Variants in TECRL observed in about 807,000 individuals in gnomAD.
The protein encoded by TECRL is trans-2,3-enoyl-CoA reductase like, also known as trans-2,3-enoyl-CoA reductase-like.
A neutral mutation model predicts 52.8 loss-of-function variants in TECRL; 63 were observed. The ratio of observed to expected loss-of-function variants is 1.19; its 90% CI spans 0.97 to 1.47. The LOEUF is 1.47. TECRL is among the 40% of genes most tolerant of loss of function. TECRL has a pLI of 0.00. For missense variants in TECRL, 482 were observed against 429.6 expected (o/e 1.12, Z -1.08); for synonymous variants, 164 against 141.9 (o/e 1.16, Z -1.10).
chr4:64,364,391 G>A (rs1262880505), intron 2 of TECRL, among the ~76,000 whole-genome samples: 1 of 151,908 alleles, frequency 6.6e-6, no homozygotes, highest in Non-Finnish European at 1.5e-5. Context: ...CTAGTAGGCA[G>A]AAAGAAATAT....
At chr4:64,373,299 A>G (rs1378232422) in intron 2 of TECRL, among the ~76,000 whole-genome samples, 1 of 151,808 alleles carries the variant, frequency 6.6e-6, no homozygotes, top group East Asian at 1.9e-4. Context: ...AAAGATTAGT[A>G]CTTACAAAGG....
At position 64,344,048 on chromosome 4, in the gene TECRL, A is replaced by G. The variant is rs956149042; in HGVS notation, c.287-15492T>C. ...CTGTGTATAAATATCTGTGAAATGTATAAGTGAATCCAATGCAAACCAGCT... is the reference window on the plus strand; with the variant it reads ...CTGTGTATAAATATCTGTGAAATGTGTAAGTGAATCCAATGCAAACCAGCT... On this transcript the variant is annotated intron_variant, in intron 2 of 11. Transcript: ENST00000381210. 2.6e-5 allele frequency among the ~76,000 whole-genome samples: 4 copies of G among 152,044 alleles called. No individual in the cohort carries two copies. The South Asian group carries it at 6.2e-4, about 24-fold the overall frequency.
At chr4:64,298,694 A>C (rs1156294119) in intron 8 of TECRL, among the ~76,000 whole-genome samples, 1 of 151,258 alleles carries the variant, frequency 6.6e-6, no homozygotes, top group Non-Finnish European at 1.5e-5. Context: ...AAAAAATTAT[A>C]ACCCACAATT....
chr4:64,333,184 A>G (rs1020947375), intron 2 of TECRL, among the ~76,000 whole-genome samples: 2 of 152,074 alleles, frequency 1.3e-5, no homozygotes, highest in Non-Finnish European at 2.9e-5. Flanking sequence ...AAAACAGATT[A>G]AAAAACAAAA....
chr4:64,317,378 GTGCT>G (rs1717578167), intron 4 of TECRL, among the ~76,000 whole-genome samples: 1 of 151,654 alleles, frequency 6.6e-6, no homozygotes, highest in Non-Finnish European at 1.5e-5. Flanking sequence ...TGCTTAAACT[GTGCT>G]TAATGCATTT....
intron 1 of TECRL, among the ~76,000 whole-genome samples, chr4:64,385,713 G>A (rs1723132401): frequency 6.6e-6 from 1 of 152,124 alleles, no homozygotes; most frequent in South Asian, 2.1e-4. Context: ...GCTAATTTGA[G>A]TCTTAAGAGA....
At chr4:64,363,501 G>A (rs1009094188) in intron 2 of TECRL, among the ~76,000 whole-genome samples, 1 of 152,212 alleles carries the variant, frequency 6.6e-6, no homozygotes, top group Non-Finnish European at 1.5e-5. Context: ...ATAACCTGAC[G>A]TGTCCACCCT....
intron 2 of TECRL, among the ~76,000 whole-genome samples, chr4:64,358,115 A>G (rs948622925): frequency 1.3e-5 from 2 of 151,136 alleles, no homozygotes; most frequent in Non-Finnish European, 3.0e-5. Flanking sequence ...AAAAAAAAAG[A>G]CATTCTGAAT....
At chr4:64,336,617 A>T (rs1045450606) in intron 2 of TECRL, among the ~76,000 whole-genome samples, 1 of 152,048 alleles carries the variant, frequency 6.6e-6, no homozygotes, top group African/African-American at 2.4e-5. Context: ...CAATTTTAGA[A>T]CTTTCCCGCT....
At chr4:64,385,492 G>A (rs760033556) in intron 1 of TECRL, among the ~76,000 whole-genome samples, 13 of 152,072 alleles carry the variant, frequency 8.5e-5, no homozygotes. Flanking sequence ...CCACCCTCCT[G>A]TTTCCTGGGA....
intron 8 of TECRL, among the ~76,000 whole-genome samples, chr4:64,297,108 T>C (rs891363242): frequency 6.6e-6 from 1 of 151,564 alleles, no homozygotes; most frequent in Non-Finnish European, 1.5e-5. Flanking sequence ...ATATTATGTA[T>C]ACATTGTAAA....
intron 1 of TECRL, among the ~76,000 whole-genome samples, chr4:64,382,207 ATATATATATATATATATATATATATATAG>A (rs1722846019): frequency 3.4e-3 from 9 of 2,632 alleles, no homozygotes; most frequent in Non-Finnish European, 0.022. Context: ...ATATATATAT[ATATATATATATATATATATATATATATAG>A]TATTATGTAT....
At chr4:64,369,204 T>C (rs1721821237) in intron 2 of TECRL, among the ~76,000 whole-genome samples, 1 of 152,316 alleles carries the variant, frequency 6.6e-6, no homozygotes, top group African/African-American at 2.4e-5. Context: ...CTTCAGCTGT[T>C]AATCATTCAT....
intron 2 of TECRL, among the ~76,000 whole-genome samples, chr4:64,371,195 A>G (rs1721949887): frequency 6.6e-6 from 1 of 151,438 alleles, no homozygotes; most frequent in South Asian, 2.1e-4. Flanking sequence ...CAAACCCAGT[A>G]ATAATAATAC....
intron 3 of TECRL, among the ~76,000 whole-genome samples, chr4:64,323,009 C>A (rs73228583): frequency 2.0e-5 from 3 of 152,090 alleles, no homozygotes; most frequent in Non-Finnish European, 4.4e-5. Flanking sequence ...CCAATACCAT[C>A]TACCCAAAAT....
chr4:64,307,399 T>G (rs1277926688), intron 6 of TECRL, among the ~76,000 whole-genome samples: 2 of 152,132 alleles, frequency 1.3e-5, no homozygotes, highest in African/African-American at 4.8e-5. Context: ...CCAGCCCTCC[T>G]GGTCTGTTGT....
intron 2 of TECRL, among the ~76,000 whole-genome samples, chr4:64,368,515 C>G (rs975426491): frequency 6.6e-6 from 1 of 152,064 alleles, no homozygotes; most frequent in African/African-American, 2.4e-5. Flanking sequence ...AGGCTGGTCT[C>G]AAACTCCTGA....
intron 3 of TECRL, 136 bp from the exon 4 acceptor site, chr4:64,322,928 A>C (rs1718007635): frequency 1.5e-6 from 1 of 665,696 alleles, no homozygotes; most frequent in South Asian, 2.5e-5. Flanking sequence ...AAATCTTCAA[A>C]GTAAAACAAA....
At position 64,290,843 on chromosome 4, in the gene TECRL, G is replaced by A. The variant is rs77452912; in HGVS notation, c.775-1076C>T. On this transcript the variant is annotated intron_variant, in intron 8 of 11. Transcript: ENST00000381210. The stretch of plus-strand genomic sequence containing the variant: ...TAAATTAATTCACCCAGGACATAAT[G>A]TAAACAAATACACCAAATATATTAA... Among the ~76,000 whole-genome samples the A allele has an allele frequency of 8.4e-3, 1,277 of 152,110 alleles. 16 individuals carry two copies. Among genetic ancestry groups the A allele is most frequent in the African/African-American group, 0.029 (1,197 of 41,514 alleles).
Sources: gnomAD v4.1 joint callset for allele counts (sites outside exome capture counted in the v4.1 genomes callset) on GRCh38, gnomAD v4.1.1 for gene constraint, MANE v1.5 for transcripts, NCBI Gene and HGNC (gene_info 2026-07-23, HGNC 2026-07-21) for gene names.